Variants in FAM234B observed in about 807,000 individuals in gnomAD.
The protein encoded by FAM234B is family with sequence similarity 234 member B, also known as protein FAM234B.
Under a neutral mutation model 69.3 loss-of-function variants are expected in FAM234B, and 33 were observed. The ratio of observed to expected loss-of-function variants is 0.48; its 90% CI spans 0.36 to 0.64. FAM234B has a LOEUF of 0.64. Among genes scored for constraint, FAM234B ranks in the 30% least tolerant of loss-of-function variants. The pLI is 0.00. For synonymous variants in FAM234B, 306 were observed against 306.9 expected (o/e 1.00, Z 0.03); for missense variants, 697 against 769.7 (o/e 0.91, Z 1.12).
Position 13,080,940 on chromosome 12 carries a change from T to G in FAM234B, c.*310T>G. The stretch of plus-strand genomic sequence containing the variant: ...GTATGTCTAATTTATGAAGTCTTGC[T>G]GGGAAAGCCAGTGAAGTCTATGACT... On this transcript the variant is annotated 3_prime_UTR_variant, in exon 13 of 13. Transcript: ENST00000197268. 3.2e-6 allele frequency: 1 copy of G among 308,160 alleles called. No individual in the cohort carries two copies. 19.1% of individuals were successfully genotyped at this position (308,160 alleles called of 1,614,324 possible). A position where few individuals can be genotyped will look rare whatever the true frequency, so the allele number is the denominator to read the frequency against.
chr12:13,059,625 G>A (rs924100487), intron 3 of FAM234B, among the ~76,000 whole-genome samples: 11 of 152,142 alleles, frequency 7.2e-5, no homozygotes, highest in Non-Finnish European at 8.8e-5. Context: ...CTTTTAAGTC[G>A]TCTAGGCCTT....
chr12:13,068,544 G>A, intron 8 of FAM234B, 86 bp from the exon 9 acceptor site: 1 of 1,582,874 alleles, frequency 6.3e-7, no homozygotes, highest in Non-Finnish European at 8.6e-7. Flanking sequence ...TATATCTGGG[G>A]CCAGTGCAAG....
intron 2 of FAM234B, 63 bp from the exon 3 acceptor site, chr12:13,058,388 C>A: frequency 7.5e-7 from 1 of 1,325,878 alleles, no homozygotes; most frequent in Non-Finnish European, 1.1e-6. Flanking sequence ...GAGCTACTGG[C>A]AACAGAGAAC....
intron 12 of FAM234B, 100 bp from the exon 13 acceptor site, chr12:13,080,525 C>A: frequency 1.0e-6 from 1 of 968,530 alleles, no homozygotes; most frequent in Non-Finnish European, 1.6e-6. Flanking sequence ...AAGAAAAGGA[C>A]GGGAAAATAG....
rs781380140 is a variant in FAM234B, at chr12:13,068,728, C to T, written c.1368+17C>T. 2 of 1,530,592 alleles carry T rather than the reference C, an allele frequency of 1.3e-6. No individual in the cohort carries two copies. The highest frequency in any genetic ancestry group is 4.5e-5 in the East Asian group (2 of 44,508). The allele number at this position is 1,530,592 out of a possible 1,614,324, so 94.8% of individuals were successfully genotyped here. A position where few individuals can be genotyped will look rare whatever the true frequency, so the allele number is the denominator to read the frequency against. ...ATGAAAAAGGTAAAACTTTGGGCCTCAGATCAATCAAAGCATATGTAAAGT... is the reference window on the plus strand; with the variant it reads ...ATGAAAAAGGTAAAACTTTGGGCCTTAGATCAATCAAAGCATATGTAAAGT... On this transcript the variant is annotated intron_variant, in intron 9 of 12. Transcript: ENST00000197268.
chr12:13,067,068 C>A lies in FAM234B; in HGVS notation c.1001-87C>A. 1 of 1,496,412 alleles carries A rather than the reference C, an allele frequency of 6.7e-7. No individual in the cohort carries two copies. The highest frequency in any genetic ancestry group is 9.2e-7 in the Non-Finnish European group (1 of 1,084,592). The allele number at this position is 1,496,412 out of a possible 1,614,324, so 92.7% of individuals were successfully genotyped here. Reference sequence around the variant, plus strand: ...GCGGGCTCTGTTAGACCCATCTGGTCAGGCTCTGTGTCTCTTGCTCAGATC... The same window carrying A: ...GCGGGCTCTGTTAGACCCATCTGGTAAGGCTCTGTGTCTCTTGCTCAGATC... On this transcript the variant is annotated intron_variant, in intron 6 of 12. Transcript: ENST00000197268. The surrounding 1 kb of genome is among the most constrained non-coding windows in gnomAD (Gnocchi z 4.7).
chr12:13,063,100 G>A (rs1865001538), intron 5 of FAM234B, 125 bp downstream of exon 5: 4 of 1,158,504 alleles, frequency 3.5e-6, no homozygotes, highest in African/African-American at 3.1e-5. Flanking sequence ...TTAGGTTTAA[G>A]TAAATTCTCT....
At chr12:13,045,976 C>T (rs1454499290) in intron 1 of FAM234B, among the ~76,000 whole-genome samples, 3 of 152,076 alleles carry the variant, frequency 2.0e-5, no homozygotes, top group Admixed American at 6.6e-5. Flanking sequence ...GGTGTTATTA[C>T]TCCCTGGAGT....
intron 1 of FAM234B, among the ~76,000 whole-genome samples, chr12:13,045,701 C>T (rs994935679): frequency 2.0e-5 from 3 of 152,088 alleles, no homozygotes; most frequent in African/African-American, 7.2e-5. Flanking sequence ...GTGCATAACA[C>T]TGGAATTAAA....
At chr12:13,080,562 T>C (rs1172675019) in intron 12 of FAM234B, 63 bp from the exon 13 acceptor site, 5 of 1,391,140 alleles carry the variant, frequency 3.6e-6, no homozygotes, top group Admixed American at 3.4e-5. Flanking sequence ...TTAGTTTTCC[T>C]GCTTTTCTTT....
At chr12:13,071,520 C>T (rs1865106863) in intron 10 of FAM234B, 124 bp downstream of exon 10, 2 of 871,324 alleles carry the variant, frequency 2.3e-6, no homozygotes, top group South Asian at 1.7e-5. Context: ...AGAAACAAGT[C>T]AGCACTCGCT....
intron 11 of FAM234B, among the ~76,000 whole-genome samples, chr12:13,077,421 TC>T (rs1298794810): frequency 6.3e-5 from 2 of 31,980 alleles, no homozygotes; most frequent in Non-Finnish European, 1.2e-4. Flanking sequence ...CCCTCCCCCC[TC>T]CCCCCCACCC....
In FAM234B at chr12:13,048,508, GTTTTCTGTTATCCTC is replaced by G. The variant is rs369105114; in HGVS notation, c.37+4101_37+4115del. Among the ~76,000 whole-genome samples the G allele has an allele frequency of 2.5e-3, 223 of 90,086 alleles. 3 individuals are homozygous for G. In the South Asian group the frequency reaches 0.028, roughly 11 times the overall value. 59.1% of individuals were successfully genotyped at this position (90,086 alleles called of 152,430 possible). On this transcript the variant is annotated intron_variant, in intron 1 of 12. Coordinates refer to ENST00000197268, the MANE Select transcript of FAM234B (RefSeq NM_020853.2). ...AAAATACTGCTTTTGGTTCTTTTCT[GTTTTCTGTTATCCTC>G]TTTTCTGTTATCCTCTTTTCTGTTA...
chr12:13,055,547 T>G lies in FAM234B; in HGVS notation c.38-4T>G. On this transcript the variant is annotated splice_polypyrimidine_tract_variant and splice_region_variant and intron_variant, in intron 1 of 12. Transcript: ENST00000197268. Reference sequence around the variant, plus strand: ...CTTGACTCTCTGTTTTTCTGTATTTTCAGGGAAGAAGAGCCCAGACCTAGG... The same window carrying G: ...CTTGACTCTCTGTTTTTCTGTATTTGCAGGGAAGAAGAGCCCAGACCTAGG... 3.2e-6 allele frequency: 5 copies of G among 1,577,444 alleles called. No homozygotes were observed. The highest frequency in any genetic ancestry group is 4.3e-6 in the Non-Finnish European group (5 of 1,155,206).
intron 1 of FAM234B, among the ~76,000 whole-genome samples, chr12:13,054,574 G>C (rs576516376): frequency 2.5e-3 from 386 of 152,278 alleles, no homozygotes; most frequent in Non-Finnish European, 4.5e-3. Context: ...GGGTTTTGTG[G>C]TCTTTTTTAT....
Position 13,071,315 on chromosome 12 carries a change from A to G in FAM234B, c.1443A>G (p.Pro481=), listed in dbSNP as rs145924966. 431 of 1,614,194 alleles carry G rather than the reference A, an allele frequency of 2.7e-4. No individual in the cohort carries two copies. The highest frequency in any genetic ancestry group is 6.7e-5 in the Admixed American group (4 of 60,036). The change falls in exon 10 of 13, where the codon CCA becomes CCG. Residue 481 remains proline, a synonymous_variant. Transcript: ENST00000197268. ...YRAPCHMKET[P]ATSAVTSDQK... ...CTCCGTGTCACATGAAAGAAACGCC[A>G]GCCACCTCAGCAGTTACTTCAGACC...
intron 5 of FAM234B, among the ~76,000 whole-genome samples, chr12:13,063,238 C>G (rs1469067547): frequency 2.0e-5 from 3 of 152,124 alleles, no homozygotes; most frequent in African/African-American, 7.2e-5. Flanking sequence ...ACCTCTACCA[C>G]TTTATATCTT....
rs186989576 is a variant in FAM234B, at chr12:13,056,785, A to G, written c.433+839A>G. Among the ~76,000 whole-genome samples, 297 of 152,184 alleles carry G rather than the reference A, an allele frequency of 2.0e-3. 2 individuals carry two copies. Among genetic ancestry groups the G allele is most frequent in the African/African-American group, 6.9e-3 (287 of 41,510 alleles). On this transcript the variant is annotated intron_variant, in intron 2 of 12. Coordinates refer to ENST00000197268, the MANE Select transcript of FAM234B (RefSeq NM_020853.2). ...ATAGAACATCATTGAGACCTTCACA[A>G]TCTCTTGTGTGTCCCTCCTGACCAC...
Position 13,044,423 on chromosome 12 carries a change from G to C in FAM234B, c.20G>C (p.Arg7Thr). The part of the protein sequence containing the change: MATVLS[R>T]ALKLPGKKSP... ...TCAGCCATGGCGACCGTGCTGTCCA[G>C]GGCGCTCAAGCTGCCGGGTAAGGAG... Residue 7 changes from arginine (R) to threonine (T), a missense_variant, in exon 1 of 13, where the codon AGG (arginine) becomes ACG (threonine). By Grantham distance (71) the Arg-to-Thr change is moderately conservative. Transcript: ENST00000197268. This position sits in a 1 kb window ranked among gnomAD's most constrained non-coding sequence, Gnocchi z 5.6. The C allele has an allele frequency of 6.4e-7, 1 of 1,551,858 alleles. No individual in the cohort carries two copies. The highest frequency in any genetic ancestry group is 8.7e-7 in the Non-Finnish European group (1 of 1,147,414).
Sources: gnomAD v4.1 joint callset for allele counts (sites outside exome capture counted in the v4.1 genomes callset) on GRCh38, gnomAD v4.1.1 for gene constraint, Gnocchi (gnomAD v3.1) non-coding constraint, MANE v1.5 for transcripts, NCBI Gene and HGNC (gene_info 2026-07-23, HGNC 2026-07-21) for gene names.